Variants in CBFB observed in about 807,000 individuals in gnomAD.
The protein encoded by CBFB is core-binding factor subunit beta.
CBFB carries 9 observed loss-of-function variants against 30.4 expected under a neutral mutation model. The observed-to-expected ratio is 0.30, with a 90% CI of 0.18 to 0.52. The LOEUF (loss-of-function observed/expected upper bound fraction) is 0.52. Among genes scored for constraint, CBFB ranks in the 20% least tolerant of loss-of-function variants. The probability of loss-of-function intolerance (pLI) is 0.97; values close to 1 mark genes in which losing one functional copy is unlikely to be tolerated. For synonymous variants in CBFB, 94 were observed against 84.0 expected, an observed-to-expected ratio of 1.12 and a Z score of -0.65; for missense variants, 170 against 244.0, an observed-to-expected ratio of 0.70 and a Z score of 2.02.
chr16:67,056,069 A>G (rs373237729), intron 3 of CBFB, among the ~76,000 whole-genome samples: 1 of 152,196 alleles, frequency 6.6e-6, no homozygotes, highest in African/African-American at 2.4e-5. Flanking sequence ...CAGGGAAAAA[A>G]CAGCATGTCT....
At chr16:67,029,873 A>G in intron 2 of CBFB, 60 bp downstream of exon 2, 2 of 1,248,160 alleles carry the variant, frequency 1.6e-6, no homozygotes, top group Admixed American at 3.5e-5. Context: ...GCGGCGGCCC[A>G]GGCCGGTTCC....
intron 3 of CBFB, among the ~76,000 whole-genome samples, chr16:67,058,789 G>C (rs1010757733): frequency 1.3e-5 from 2 of 152,174 alleles, no homozygotes; most frequent in African/African-American, 4.8e-5. Context: ...TAATACGTCA[G>C]TTTATAGACT....
intron 3 of CBFB, among the ~76,000 whole-genome samples, chr16:67,063,679 G>C (rs1781374682): frequency 6.6e-6 from 1 of 152,116 alleles, no homozygotes; most frequent in Non-Finnish European, 1.5e-5. Context: ...ATGACCTCCT[G>C]CCTTGGCCTC....
chr16:67,034,304 G>GGT (rs1340225643), intron 2 of CBFB, among the ~76,000 whole-genome samples: 4 of 152,198 alleles, frequency 2.6e-5, no homozygotes, highest in Admixed American at 6.5e-5. Context: ...ATTGGCACAA[G>GGT]GTGTGCTATT....
chr16:67,073,622 G>T (rs926556165), intron 4 of CBFB, among the ~76,000 whole-genome samples: 1 of 151,918 alleles, frequency 6.6e-6, no homozygotes, highest in Non-Finnish European at 1.5e-5. Flanking sequence ...CGTGCCTGTG[G>T]TTCTAGCTAC....
intron 5 of CBFB, among the ~76,000 whole-genome samples, chr16:67,090,460 A>T (rs190855469): frequency 5.9e-5 from 9 of 152,298 alleles, no homozygotes; most frequent in African/African-American, 2.2e-4. Context: ...TGGGGTATAT[A>T]TGTCTATAAC....
intron 3 of CBFB, among the ~76,000 whole-genome samples, chr16:67,040,418 C>T (rs7190074): frequency 0.015 from 2,218 of 152,296 alleles, 71 homozygotes; most frequent in African/African-American, 0.051. Flanking sequence ...TAAGTTCTGG[C>T]TTCTGCATTT....
chr16:67,065,430 C>CA (rs1961025713), intron 3 of CBFB, among the ~76,000 whole-genome samples: 1 of 152,178 alleles, frequency 6.6e-6, no homozygotes, highest in Admixed American at 6.5e-5. Flanking sequence ...GGATGTGATA[C>CA]AGTATGAAGC....
intron 3 of CBFB, among the ~76,000 whole-genome samples, chr16:67,048,720 T>A (rs1486032916): frequency 6.6e-6 from 1 of 151,264 alleles, no homozygotes; most frequent in African/African-American, 2.4e-5. Context: ...CTGGCTAATT[T>A]TTTTGTATTT....
chr16:67,095,474 G>A (rs904715193), intron 5 of CBFB, among the ~76,000 whole-genome samples: 8 of 152,254 alleles, frequency 5.3e-5, no homozygotes, highest in East Asian at 1.9e-4. Flanking sequence ...CCAAGATTGC[G>A]TCACTGCGCT....
rs1961054183 is a variant in CBFB, at chr16:67,066,391, T to TAAAAAAAAAAAAAAAAA, written c.283-290_283-289insAAAAAAAAAAAAAAAAA. ...GGTGAAACCCCATCTCTACTAAAAATACAAAAAAAAAAAAAAAAATTAGCC... is the reference window on the plus strand; with the variant it reads ...GGTGAAACCCCATCTCTACTAAAAATAAAAAAAAAAAAAAAAAACAAAAAAAAAAAAAAAAATTAGCC... On this transcript the variant is annotated intron_variant, in intron 3 of 5. Coordinates refer to ENST00000412916, the MANE Select transcript of CBFB (RefSeq NM_022845.3). Among the ~76,000 whole-genome samples, 7 of 28,270 alleles carry TAAAAAAAAAAAAAAAAA rather than the reference T, an allele frequency of 2.5e-4. No homozygotes were observed. In the African/African-American group the frequency reaches 5.2e-3, roughly 21 times the overall value. The allele number at this position is 28,270 out of a possible 152,430, so 18.5% of individuals were successfully genotyped here.
At chr16:67,050,427 A>G (rs559102598) in intron 3 of CBFB, among the ~76,000 whole-genome samples, 1 of 151,860 alleles carries the variant, frequency 6.6e-6, no homozygotes, top group Non-Finnish European at 1.5e-5. Context: ...CTATACAGAT[A>G]TACATATATA....
intron 3 of CBFB, among the ~76,000 whole-genome samples, chr16:67,049,463 A>C (rs560558365): frequency 6.6e-6 from 1 of 151,452 alleles, no homozygotes; most frequent in African/African-American, 2.4e-5. Flanking sequence ...TGGCCTCCCA[A>C]AGTGCTGGTA....
chr16:67,066,393 CAAAAA>C (rs56360240), intron 3 of CBFB, among the ~76,000 whole-genome samples: 8 of 96,082 alleles, frequency 8.3e-5, no homozygotes, highest in Non-Finnish European at 1.5e-4. Flanking sequence ...ACTAAAAATA[CAAAAA>C]AAAAAAAAAA....
chr16:67,029,718 G>C lies in CBFB; in HGVS notation c.79-9G>C, dbSNP rs375340632. ...TTGGCTCCTGATTTCGGGCCGTCTTGCCTTGCAGATTAAGTACACGGGCTT... is the reference window on the plus strand; with the variant it reads ...TTGGCTCCTGATTTCGGGCCGTCTTCCCTTGCAGATTAAGTACACGGGCTT... On this transcript the variant is annotated splice_polypyrimidine_tract_variant and intron_variant, in intron 1 of 5. Coordinates refer to ENST00000412916, the MANE Select transcript of CBFB (RefSeq NM_022845.3). 1 of 1,585,554 alleles carries C rather than the reference G, an allele frequency of 6.3e-7. No homozygotes were observed. The highest frequency in any genetic ancestry group is 1.1e-5 in the South Asian group (1 of 88,128).
intron 5 of CBFB, among the ~76,000 whole-genome samples, chr16:67,084,144 T>C (rs988540721): frequency 1.9e-4 from 23 of 120,824 alleles, no homozygotes; most frequent in Admixed American, 2.4e-4. Flanking sequence ...CCAGCCTGGA[T>C]GACAGAGCAG....
At chr16:67,039,948 CA>C (rs1485753200) in intron 3 of CBFB, among the ~76,000 whole-genome samples, 1 of 152,118 alleles carries the variant, frequency 6.6e-6, no homozygotes, top group Non-Finnish European at 1.5e-5. Context: ...ATGTATTTCT[CA>C]GATAGAATTT....
intron 3 of CBFB, among the ~76,000 whole-genome samples, chr16:67,052,674 A>G (rs1960588610): frequency 6.6e-6 from 1 of 151,940 alleles, no homozygotes; most frequent in African/African-American, 2.4e-5. Flanking sequence ...TACTGCCTGC[A>G]CAGTTGGCCA....
intron 5 of CBFB, among the ~76,000 whole-genome samples, chr16:67,092,084 C>G (rs1209481151): frequency 2.0e-5 from 3 of 151,922 alleles, no homozygotes; most frequent in Non-Finnish European, 2.9e-5. Flanking sequence ...TGACAGGCCC[C>G]TGTGTGTGAC....
Sources: gnomAD v4.1 joint callset for allele counts (sites outside exome capture counted in the v4.1 genomes callset) on GRCh38, gnomAD v4.1.1 for gene constraint, MANE v1.5 for transcripts, NCBI Gene and HGNC (gene_info 2026-07-23, HGNC 2026-07-21) for gene names.